Variants in GNAI1 observed in about 807,000 individuals in gnomAD.
The protein encoded by GNAI1 is guanine nucleotide-binding protein G(i) subunit alpha-1.
Under a neutral mutation model 38.9 loss-of-function variants are expected in GNAI1, and 11 were observed. That is an observed-to-expected ratio of 0.28 (90% confidence interval 0.18 to 0.47). The LOEUF is 0.47. GNAI1 is among the 20% of genes least tolerant of loss of function. GNAI1 has a pLI of 0.99. For synonymous variants in GNAI1, 166 were observed against 145.1 expected (o/e 1.14, Z -1.04); for missense variants, 317 against 436.9 (o/e 0.73, Z 2.45).
intron 1 of GNAI1, among the ~76,000 whole-genome samples, chr7:80,167,703 G>C (rs1238169915): frequency 6.6e-6 from 1 of 152,150 alleles, no homozygotes; most frequent in Non-Finnish European, 1.5e-5. Flanking sequence ...ATAGTTCACT[G>C]TACATGCAAA....
Position 80,217,303 on chromosome 7 carries a change from G to T in GNAI1, c.875G>T (p.Gly292Val). ...PLTICYPEYA[G>V]SNTYEEAAAY... ...TGTTTCTTTCCTTTTTCCATCTCAG[G>T]ATCAAACACATATGAAGAGGCAGCT... Residue 292 changes from glycine (G) to valine (V), a missense_variant and splice_region_variant, in exon 8 of 8, where the codon GGA becomes GTA. Physicochemically the swap from Gly to Val is moderately radical, Grantham distance 109. This residue lies in a region of GNAI1 where 158 missense variants were observed against 234.7 expected (regional missense o/e 0.67). Transcript: ENST00000649796. 1.3e-6 allele frequency: 2 copies of T among 1,531,578 alleles called. No homozygotes were observed. The highest frequency in any genetic ancestry group is 1.3e-5 in the South Asian group (1 of 78,758). The allele number at this position is 1,531,578 out of a possible 1,614,324, so 94.9% of individuals were successfully genotyped here.
At chr7:80,151,522 T>C (rs529227711) in intron 1 of GNAI1, among the ~76,000 whole-genome samples, 33 of 152,276 alleles carry the variant, frequency 2.2e-4, no homozygotes, top group African/African-American at 7.9e-4. Context: ...ATGCCTACTA[T>C]CAAATGCCAC....
rs6973427 is a variant in GNAI1 at position 80,220,891 on chromosome 7, C to T, written c.*3398C>T. 0.55 allele frequency among the ~76,000 whole-genome samples: 83,083 copies of T among 151,910 alleles called. 23,877 individuals carry two copies. Among genetic ancestry groups the T allele is most frequent in the East Asian group, 0.84 (4,329 of 5,158 alleles). Reference sequence around the variant, plus strand: ...CTATCCCCACTCTGCCCTTGAGTTCCTCTGAGCCATAATAGTTTTTCAGAT... The same window carrying T: ...CTATCCCCACTCTGCCCTTGAGTTCTTCTGAGCCATAATAGTTTTTCAGAT... On this transcript the variant is annotated 3_prime_UTR_variant, in exon 8 of 8. Coordinates refer to ENST00000649796, the MANE Select transcript of GNAI1 (RefSeq NM_002069.6).
In GNAI1 at chr7:80,224,303, G is replaced by T. The variant is rs1029028266; in HGVS notation, c.*6810G>T. ...GGTAAAATTTCCATTTTCTATATAAGGAAACACATTTAAGAGAGGTTAGTA... is the reference window on the plus strand; with the variant it reads ...GGTAAAATTTCCATTTTCTATATAATGAAACACATTTAAGAGAGGTTAGTA... On this transcript the variant is annotated 3_prime_UTR_variant, in exon 8 of 8. Transcript: ENST00000649796. Among the ~76,000 whole-genome samples the T allele has an allele frequency of 1.3e-5, 2 of 152,126 alleles. No homozygotes were observed. The highest frequency in any genetic ancestry group is 4.8e-5 in the African/African-American group (2 of 41,416).
At chr7:80,154,995 A>G (rs1479662146) in intron 1 of GNAI1, among the ~76,000 whole-genome samples, 1 of 152,160 alleles carries the variant, frequency 6.6e-6, no homozygotes, top group Admixed American at 6.5e-5. Context: ...AAAGTTACCT[A>G]TTACCTATTC....
rs1162647358 is a variant in GNAI1 at position 80,223,172 on chromosome 7, T to TA, written c.*5680dup. Among the ~76,000 whole-genome samples, 2 of 152,234 alleles carry TA rather than the reference T, an allele frequency of 1.3e-5. No homozygotes were observed. The highest frequency in any genetic ancestry group is 2.9e-5 in the Non-Finnish European group (2 of 68,034). On this transcript the variant is annotated 3_prime_UTR_variant, in exon 8 of 8. Transcript: ENST00000649796. The stretch of plus-strand genomic sequence containing the variant: ...TCATACGTTGGGGACCATCTGTACA[T>TA]AGAGTAGGACTCTTGAGAGCCTAAG...
intron 4 of GNAI1, among the ~76,000 whole-genome samples, chr7:80,201,563 AAAAAT>A (rs1236366686): frequency 6.6e-6 from 1 of 152,056 alleles, no homozygotes; most frequent in Admixed American, 6.6e-5. Context: ...TACAAAAAGT[AAAAAT>A]AAAAAATTTA....
intron 1 of GNAI1, among the ~76,000 whole-genome samples, chr7:80,138,226 G>C (rs113901017): frequency 3.3e-5 from 5 of 152,200 alleles, no homozygotes; most frequent in Admixed American, 1.3e-4. Context: ...GGAATGTATT[G>C]TCATTTTAAA....
intron 1 of GNAI1, among the ~76,000 whole-genome samples, chr7:80,158,616 G>A (rs925021216): frequency 2.6e-5 from 4 of 152,148 alleles, no homozygotes; most frequent in Non-Finnish European, 4.4e-5. Context: ...TGCCATGATT[G>A]TAAGTTTCCT....
chr7:80,173,824 C>T (rs886966382), intron 1 of GNAI1, among the ~76,000 whole-genome samples: 1 of 152,132 alleles, frequency 6.6e-6, no homozygotes, highest in Non-Finnish European at 1.5e-5. Context: ...AAGTCTTGGT[C>T]GTCTCTCCTA....
At position 80,189,226 on chromosome 7, in the gene GNAI1, C is replaced by T. The variant is rs754417098; in HGVS notation, c.298C>T (p.Arg100Trp). 9.9e-6 allele frequency: 16 copies of T among 1,610,360 alleles called. No individual in the cohort carries two copies. Among genetic ancestry groups the T allele is most frequent in the African/African-American group, 1.3e-5 (1 of 74,584 alleles). ...GAAGATAGACTTTGGTGACTCAGCC[C>T]GGGCGGTAAGTTATTAAATTTGTTG... ...RLKIDFGDSA[R>W]ADDARQLFVL... The change falls in exon 3 of 8, where the codon CGG (arginine) becomes TGG (tryptophan). Residue 100 changes from arginine (R) to tryptophan (W), a missense_variant. Arg to Trp is a moderately radical substitution (Grantham distance 101). Transcript: ENST00000649796.
At chr7:80,172,520 GC>G (rs1419410450) in intron 1 of GNAI1, among the ~76,000 whole-genome samples, 2 of 152,118 alleles carry the variant, frequency 1.3e-5, no homozygotes. Context: ...CTTCTATTCA[GC>G]AATCTTTTGA....
chr7:80,189,451 A>C (rs112896461), intron 3 of GNAI1, among the ~76,000 whole-genome samples: 13 of 152,294 alleles, frequency 8.5e-5, no homozygotes, highest in African/African-American at 2.6e-4. Context: ...TATCCATTAG[A>C]TGATTTGGAC....
Position 80,157,666 on chromosome 7 carries a change from T to A in GNAI1, c.118+22388T>A, listed in dbSNP as rs75776238. Among the ~76,000 whole-genome samples, 50 of 152,298 alleles carry A rather than the reference T, an allele frequency of 3.3e-4. No individual in the cohort carries two copies. In the East Asian group the frequency reaches 9.5e-3, roughly 29 times the overall value. On this transcript the variant is annotated intron_variant, in intron 1 of 7. Coordinates refer to ENST00000649796, the MANE Select transcript of GNAI1 (RefSeq NM_002069.6). ...TGTGTAGTGGTATCTCATTGGTACT[T>A]CAATTTGCATTTTCTTGATGACATA... is the stretch of plus-strand genomic sequence containing the variant.
chr7:80,173,839 A>G (rs1450412200), intron 1 of GNAI1, among the ~76,000 whole-genome samples: 2 of 152,080 alleles, frequency 1.3e-5, no homozygotes, highest in Admixed American at 6.6e-5. Flanking sequence ...CTCCTACGCT[A>G]TATTGGTCCA....
intron 1 of GNAI1, among the ~76,000 whole-genome samples, chr7:80,156,059 A>G (rs943154097): frequency 1.4e-4 from 21 of 151,348 alleles, no homozygotes; most frequent in Admixed American, 4.6e-4. Flanking sequence ...AAAAAAAAAA[A>G]AAAAGAAAGA....
chr7:80,202,330 C>T (rs567806593), intron 4 of GNAI1, among the ~76,000 whole-genome samples: 268 of 152,190 alleles, frequency 1.8e-3, no homozygotes, highest in African/African-American at 5.9e-3. Context: ...CCTCGTGATC[C>T]GCCCACCTCG....
At chr7:80,216,564 G>C (rs937378870) in intron 7 of GNAI1, among the ~76,000 whole-genome samples, 3 of 152,100 alleles carry the variant, frequency 2.0e-5, no homozygotes, top group Non-Finnish European at 4.4e-5. Flanking sequence ...AGTACACTTA[G>C]GAGATTAATT....
At chr7:80,198,072 T>C (rs1240662553) in intron 3 of GNAI1, among the ~76,000 whole-genome samples, 1 of 151,904 alleles carries the variant, frequency 6.6e-6, no homozygotes, top group Non-Finnish European at 1.5e-5. Flanking sequence ...TTTTTGTTTG[T>C]TTATTGTTTT....
Sources: allele counts gnomAD v4.1 joint callset (sites outside exome capture counted in the v4.1 genomes callset), GRCh38; gene constraint gnomAD v4.1.1; regional missense constraint gnomAD v4.1.1; transcripts MANE v1.5; gene names NCBI Gene and HGNC (gene_info 2026-07-23, HGNC 2026-07-21).